The following NAALADL2 variants were observed in gnomAD, a reference collection of about 807,000 sequenced individuals.
The protein encoded by NAALADL2 is N-acetylated alpha-linked acidic dipeptidase like 2, also known as inactive N-acetylated-alpha-linked acidic dipeptidase-like protein 2.
NAALADL2 carries 76 observed loss-of-function variants against 87.2 expected under a neutral mutation model. The observed-to-expected ratio is 0.87, with a 90% CI of 0.72 to 1.05. NAALADL2 has a LOEUF of 1.05. Ranked by LOEUF, NAALADL2 falls within the 50% of genes least tolerant of loss-of-function variation. The pLI is 0.00. For synonymous variants in NAALADL2, 354 were observed against 331.0 expected (o/e 1.07, Z -0.75); for missense variants, 1,089 against 945.8 (o/e 1.15, Z -1.99).
chr3:174,567,916 T>A (rs73172563), intron 2 of NAALADL2, among the ~76,000 whole-genome samples: 1 of 151,856 alleles, frequency 6.6e-6, no homozygotes, highest in Non-Finnish European at 1.5e-5. Context: ...GTAGAGACTC[T>A]ACCACAGAAA....
At chr3:175,369,616 AGCC>A (rs1317040303) in intron 5 of NAALADL2, 2 of 152,352 alleles carry the variant, frequency 1.3e-5, no homozygotes, top group African/African-American at 4.8e-5. Flanking sequence ...ATATATAGGT[AGCC>A]TGTGTGTGTG....
At chr3:174,889,799 A>G (rs1187643768) in intron 1 of NAALADL2, among the ~76,000 whole-genome samples, 1 of 152,168 alleles carries the variant, frequency 6.6e-6, no homozygotes, top group Non-Finnish European at 1.5e-5. Context: ...TTTGACTAAG[A>G]TCAACATTCA....
At chr3:174,663,315 A>G (rs930980929) in intron 2 of NAALADL2, among the ~76,000 whole-genome samples, 25 of 151,808 alleles carry the variant, frequency 1.6e-4, no homozygotes, top group African/African-American at 5.8e-4. Context: ...CCCAGCTATG[A>G]AAATAATAAT....
rs534159245 is a variant in NAALADL2, at chr3:174,633,090, A to T, written c.-115+82453A>T. Among the ~76,000 whole-genome samples, 247 of 152,128 alleles carry T rather than the reference A, an allele frequency of 1.6e-3. 1 individual carries two copies. The highest frequency in any genetic ancestry group is 2.9e-3 in the Non-Finnish European group (197 of 67,998). ...AAATTTGTTATTTCACTTTGTGATCATGGAACTAGCATGTGACTGAGTTGA... is the reference window on the plus strand; with the variant it reads ...AAATTTGTTATTTCACTTTGTGATCTTGGAACTAGCATGTGACTGAGTTGA... On this transcript the variant is annotated intron_variant, in intron 2 of 3. Transcript: ENST00000434257.
intron 1 of NAALADL2, among the ~76,000 whole-genome samples, chr3:174,469,085 T>C (rs1259637742): frequency 6.6e-6 from 1 of 152,132 alleles, no homozygotes; most frequent in Non-Finnish European, 1.5e-5. Flanking sequence ...GTGACCATTA[T>C]TTAAATAAAA....
intron 3 of NAALADL2, among the ~76,000 whole-genome samples, chr3:174,769,448 T>G (rs1714254785): frequency 6.6e-6 from 1 of 152,032 alleles, no homozygotes; most frequent in African/African-American, 2.4e-5. Flanking sequence ...TTATAAAATA[T>G]GTATTTAAGT....
chr3:174,703,479 A>G (rs557221645), intron 2 of NAALADL2, among the ~76,000 whole-genome samples: 2 of 152,146 alleles, frequency 1.3e-5, no homozygotes, highest in African/African-American at 4.8e-5. Flanking sequence ...CCTGGGAATC[A>G]TGAGAGTTTA....
intron 13 of NAALADL2, among the ~76,000 whole-genome samples, chr3:175,781,707 AT>A (rs886962164): frequency 4.7e-5 from 7 of 149,222 alleles, no homozygotes; most frequent in Admixed American, 6.7e-5. Context: ...TAACGCTTTT[AT>A]TTTTTTTATT....
At position 174,820,831 on chromosome 3, in the gene NAALADL2, G is replaced by GTT. The variant is rs138763909; in HGVS notation, c.-9+83091_-9+83092dup. On this transcript the variant is annotated intron_variant, in intron 3 of 3. Coordinates refer to the NAALADL2 transcript ENST00000434257. ...CTGTTATTTGAAATATGTGGTATAT[G>GTT]TTTTTTTAAAAAAAAACATTTGTTC... Among the ~76,000 whole-genome samples the GTT allele has an allele frequency of 9.6e-3, 1,457 of 151,538 alleles. 17 individuals are homozygous for GTT. The highest frequency in any genetic ancestry group is 0.033 in the African/African-American group (1,351 of 41,322).
chr3:174,568,795 G>A (rs954317034), intron 2 of NAALADL2, among the ~76,000 whole-genome samples: 5 of 149,130 alleles, frequency 3.4e-5, no homozygotes, highest in Non-Finnish European at 7.5e-5. Flanking sequence ...AGGTGTTTGT[G>A]GATTTATTCC....
intron 3 of NAALADL2, among the ~76,000 whole-genome samples, chr3:174,836,515 C>T (rs1205767109): frequency 1.3e-5 from 2 of 151,954 alleles, no homozygotes; most frequent in Non-Finnish European, 2.9e-5. Context: ...TCCTGGCTAA[C>T]ACGGTGAAAC....
chr3:175,489,885 A>G (rs563729604), intron 9 of NAALADL2, among the ~76,000 whole-genome samples: 58 of 152,308 alleles, frequency 3.8e-4, no homozygotes, highest in Admixed American at 2.0e-3. Flanking sequence ...CTACATTAGT[A>G]TATGACAATC....
chr3:175,119,041 C>T (rs1725723961), intron 2 of NAALADL2, among the ~76,000 whole-genome samples: 1 of 138,880 alleles, frequency 7.2e-6, no homozygotes, highest in African/African-American at 2.8e-5. Flanking sequence ...AATCCAAATT[C>T]TTAAATTGCA....
chr3:174,447,957 T>C (rs1249571449), intron 1 of NAALADL2, among the ~76,000 whole-genome samples: 1 of 152,216 alleles, frequency 6.6e-6, no homozygotes, highest in Non-Finnish European at 1.5e-5. Flanking sequence ...AACTTAACAT[T>C]CATCAAAATA....
intron 1 of NAALADL2, among the ~76,000 whole-genome samples, chr3:175,022,375 C>G (rs1751672542): frequency 6.6e-6 from 1 of 151,940 alleles, no homozygotes; most frequent in Non-Finnish European, 1.5e-5. Context: ...CTCTAATTGT[C>G]TGCTTGATTT....
chr3:175,132,386 C>T lies in NAALADL2; in HGVS notation c.545+35095C>T, dbSNP rs1365255937. Reference sequence around the variant, plus strand: ...CTCCTCACTTCCCAGTAGGGGCGGCCGGGCAGAGGCGCCCCTCACCTCCCC... The same window carrying T: ...CTCCTCACTTCCCAGTAGGGGCGGCTGGGCAGAGGCGCCCCTCACCTCCCC... On this transcript the variant is annotated intron_variant, in intron 2 of 13. Coordinates refer to ENST00000454872, the MANE Select transcript of NAALADL2 (RefSeq NM_207015.3). Among the ~76,000 whole-genome samples, 20 of 80,336 alleles carry T rather than the reference C, an allele frequency of 2.5e-4. 2 individuals carry two copies. Among genetic ancestry groups the T allele is most frequent in the Non-Finnish European group, 4.2e-4 (18 of 42,592 alleles). 52.7% of individuals were successfully genotyped at this position (80,336 alleles called of 152,430 possible).
intron 3 of NAALADL2, among the ~76,000 whole-genome samples, chr3:174,843,228 A>G (rs1232543427): frequency 2.0e-5 from 3 of 152,056 alleles, no homozygotes; most frequent in Non-Finnish European, 4.4e-5. Flanking sequence ...ATCTTGTACT[A>G]TCTGATCAAT....
At chr3:175,500,486 T>C (rs1729392314) in intron 9 of NAALADL2, among the ~76,000 whole-genome samples, 1 of 151,848 alleles carries the variant, frequency 6.6e-6, no homozygotes, top group Admixed American at 6.6e-5. Context: ...CAGAAGGTGA[T>C]TTCATTCATT....
At chr3:175,720,711 A>G (rs1742121905) in intron 11 of NAALADL2, among the ~76,000 whole-genome samples, 1 of 152,140 alleles carries the variant, frequency 6.6e-6, no homozygotes, top group African/African-American at 2.4e-5. Flanking sequence ...AAGTAAGAAT[A>G]ACAACTAGAC....
Sources: gnomAD v4.1 joint callset for allele counts (sites outside exome capture counted in the v4.1 genomes callset) on GRCh38, gnomAD v4.1.1 for gene constraint, MANE v1.5 for transcripts, NCBI Gene and HGNC (gene_info 2026-07-23, HGNC 2026-07-21) for gene names.